Variants in SYNE2 observed in about 807,000 individuals in gnomAD.
SYNE2 encodes spectrin repeat containing nuclear envelope protein 2, also known as nesprin-2.
A neutral mutation model predicts 856.3 loss-of-function variants in SYNE2; 431 were observed. The ratio of observed to expected loss-of-function variants is 0.50; its 90% CI spans 0.47 to 0.55. SYNE2 has a LOEUF of 0.55. Among genes scored for constraint, SYNE2 ranks in the 20% least tolerant of loss-of-function variants. The pLI is 0.00. For synonymous variants in SYNE2, 2,923 were observed against 2,872.3 expected, an observed-to-expected ratio of 1.02 and a Z score of -0.56; for missense variants, 8,129 against 8,023.2, an observed-to-expected ratio of 1.01 and a Z score of -0.50.
At chr14:63,887,940 A>G (rs559505475) in intron 1 of SYNE2, among the ~76,000 whole-genome samples, 110 of 151,934 alleles carry the variant, frequency 7.2e-4, no homozygotes, top group Middle Eastern at 3.4e-3. Context: ...TTTTGCAGAG[A>G]TGGAATTTCA....
chr14:63,935,613 A>G (rs182336211), intron 2 of SYNE2, among the ~76,000 whole-genome samples: 3 of 152,356 alleles, frequency 2.0e-5, no homozygotes, highest in Admixed American at 2.0e-4. Flanking sequence ...AAGGAAAACA[A>G]TGTAGTAGAA....
chr14:64,031,899 CAT>C (rs1293896148), intron 45 of SYNE2, among the ~76,000 whole-genome samples: 24 of 152,234 alleles, frequency 1.6e-4, no homozygotes, highest in African/African-American at 4.8e-4. Context: ...TGAACAATCA[CAT>C]GAGTACATTT....
At position 64,062,975 on chromosome 14, in the gene SYNE2, G is replaced by A. The variant is rs1406492446; in HGVS notation, c.10212+80G>A. ...ACTGGCAGAGGCAGCAGAGAATGTG[G>A]TCCTGTTAAGACGCGTAGAAATCTT... On this transcript the variant is annotated intron_variant, in intron 50 of 115. Transcript: ENST00000555002. 17 of 1,537,180 alleles carry A rather than the reference G, an allele frequency of 1.1e-5. No individual in the cohort carries two copies. The South Asian group carries it at 1.9e-4, about 17-fold the overall frequency.
At chr14:63,797,573 C>T (rs2139785559) in intron 1 of SYNE2, among the ~76,000 whole-genome samples, 1 of 152,230 alleles carries the variant, frequency 6.6e-6, no homozygotes, top group East Asian at 1.9e-4. Flanking sequence ...TTCTGAGTAG[C>T]TGGGATTACA....
At position 64,070,723 on chromosome 14, in the gene SYNE2, A is replaced by G. The variant is rs190518140; in HGVS notation, c.10510A>G (p.Thr3504Ala). ...EISKTKEAAT[T>A]EELSELLDCL... ...TTCCAAAACAAAAGAGGCAGCCACC[A>G]CAGAGGAACTCTCTGAGCTGCTAGA... Residue 3504 changes from threonine (T) to alanine (A), a missense_variant, in exon 52 of 116, where the codon ACA (threonine) becomes GCA (alanine). Thr to Ala is a moderately conservative substitution (Grantham distance 58). Around this residue, in one of 3 missense-constraint regions of SYNE2, gnomAD observed 5,410 missense variants for 5,284.8 expected, o/e 1.02. Transcript: ENST00000555002. The G allele has an allele frequency of 5.0e-4, 800 of 1,614,178 alleles. 2 individuals carry two copies. The African/African-American group carries it at 9.2e-3, about 19-fold the overall frequency.
chr14:64,075,597 CTTTTTTT>C, intron 53 of SYNE2: 1 of 163,406 alleles, frequency 6.1e-6, no homozygotes, highest in Non-Finnish European at 1.3e-5. Context: ...TTCTTTGAAA[CTTTTTTT>C]TTTTTTTTTT....
intron 66 of SYNE2, among the ~76,000 whole-genome samples, chr14:64,114,222 G>A (rs1272087439): frequency 1.3e-5 from 2 of 152,118 alleles, no homozygotes; most frequent in African/African-American, 2.4e-5. Context: ...AAAGCTTGCC[G>A]GCTCAGCCCG....
intron 51 of SYNE2, among the ~76,000 whole-genome samples, chr14:64,067,109 C>T (rs2097363931): frequency 6.6e-6 from 1 of 152,090 alleles, no homozygotes; most frequent in South Asian, 2.1e-4. Flanking sequence ...GTTATTAATT[C>T]AGACTCCATT....
chr14:64,156,246 C>T (rs924533811), intron 85 of SYNE2, among the ~76,000 whole-genome samples: 1 of 152,032 alleles, frequency 6.6e-6, no homozygotes, highest in African/African-American at 2.4e-5. Flanking sequence ...CTAGAAGTTC[C>T]ACCACCTTTA....
intron 99 of SYNE2, among the ~76,000 whole-genome samples, chr14:64,194,805 G>A (rs1255990): frequency 0.53 from 80,479 of 152,076 alleles, 23,574 homozygotes; most frequent in African/African-American, 0.79. Flanking sequence ...CAGCCAGCAC[G>A]GGCCAAAGCT....
At chr14:63,902,228 T>C (rs1185540151) in intron 1 of SYNE2, among the ~76,000 whole-genome samples, 2 of 151,802 alleles carry the variant, frequency 1.3e-5, no homozygotes, top group African/African-American at 4.8e-5. Context: ...CTGGCCAACA[T>C]GGCAAAACTC....
chr14:64,139,883 C>T (rs1567432261), intron 79 of SYNE2, 58 bp from the exon 80 acceptor site: 2 of 1,579,548 alleles, frequency 1.3e-6, no homozygotes, highest in East Asian at 2.2e-5. Context: ...GCTGGTGATG[C>T]ATATCATTAT....
intron 96 of SYNE2, among the ~76,000 whole-genome samples, chr14:64,184,657 T>G (rs2098479827): frequency 6.6e-6 from 1 of 152,160 alleles, no homozygotes; most frequent in Non-Finnish European, 1.5e-5. Flanking sequence ...AGCTGGCAGG[T>G]GGCCCCCTTT....
intron 45 of SYNE2, among the ~76,000 whole-genome samples, chr14:64,033,515 CAA>C (rs34976939): frequency 9.2e-4 from 130 of 140,958 alleles, no homozygotes; most frequent in Non-Finnish European, 1.0e-3. Flanking sequence ...CCAGTCTCTA[CAA>C]AAAAAAAAAA....
chr14:63,836,322 G>C (rs1028090305), intron 1 of SYNE2, among the ~76,000 whole-genome samples: 1 of 151,996 alleles, frequency 6.6e-6, no homozygotes, highest in Non-Finnish European at 1.5e-5. Context: ...CCACACCCAG[G>C]CTTGTTTTTA....
chr14:63,975,326 A>G (rs985926903), intron 11 of SYNE2, among the ~76,000 whole-genome samples: 3 of 151,394 alleles, frequency 2.0e-5, no homozygotes, highest in Non-Finnish European at 4.4e-5. Flanking sequence ...GATTGAATTT[A>G]TGTGTATTAT....
chr14:64,202,750 C>G (rs1227601888), intron 99 of SYNE2, 51 bp from the exon 100 acceptor site: 1 of 1,612,372 alleles, frequency 6.2e-7, no homozygotes, highest in Middle Eastern at 1.7e-4. Context: ...CTTTTGTTTT[C>G]CATCACTGGT....
chr14:63,892,067 C>T (rs1201657260), intron 1 of SYNE2, among the ~76,000 whole-genome samples: 1 of 152,162 alleles, frequency 6.6e-6, no homozygotes, highest in Non-Finnish European at 1.5e-5. Flanking sequence ...TGCTGCCAAA[C>T]ATTTCAAATT....
chr14:63,918,553 G>C (rs1222375464), intron 2 of SYNE2, among the ~76,000 whole-genome samples: 1 of 152,230 alleles, frequency 6.6e-6, no homozygotes, highest in African/African-American at 2.4e-5. Context: ...CTTTGGGAGA[G>C]AGACGTCAGA....
Sources: allele counts gnomAD v4.1 joint callset (sites outside exome capture counted in the v4.1 genomes callset), GRCh38; gene constraint gnomAD v4.1.1; regional missense constraint gnomAD v4.1.1; transcripts MANE v1.5; gene names NCBI Gene and HGNC (gene_info 2026-07-23, HGNC 2026-07-21).